INTS7: variants seen among roughly 807,000 people sequenced by gnomAD.
The protein encoded by INTS7 is chromosome 1 open reading frame 73.
INTS7 carries 46 observed loss-of-function variants against 109.2 expected under a neutral mutation model. The observed-to-expected ratio is 0.42, with a 90% CI of 0.33 to 0.54. INTS7 has a LOEUF of 0.54. Ranked by LOEUF, INTS7 falls within the 20% of genes least tolerant of loss-of-function variation. The pLI is 0.07. For synonymous variants in INTS7, 412 were observed against 402.9 expected, an observed-to-expected ratio of 1.02 and a Z score of -0.27; for missense variants, 929 against 1,132.4, an observed-to-expected ratio of 0.82 and a Z score of 2.58.
chr1:211,944,660 T>G (rs1180958014), intron 19 of INTS7, 124 bp downstream of exon 19: 1 of 754,646 alleles, frequency 1.3e-6, no homozygotes, highest in Admixed American at 2.4e-5. Flanking sequence ...GCTTTTAATT[T>G]ATGTCCATCT....
chr1:212,003,305 CAAAAAAAAAAA>C (rs35903155), intron 7 of INTS7, among the ~76,000 whole-genome samples: 1 of 61,896 alleles, frequency 1.6e-5, no homozygotes, highest in Non-Finnish European at 3.4e-5. Flanking sequence ...AATTTTAAAG[CAAAAAAAAAAA>C]AAAAAAAAAC....
intron 14 of INTS7, among the ~76,000 whole-genome samples, chr1:211,968,206 A>G (rs1046150750): frequency 3.9e-5 from 6 of 152,244 alleles, no homozygotes; most frequent in African/African-American, 1.2e-4. Context: ...GACATATAGA[A>G]ACAAAAACAT....
intron 15 of INTS7, among the ~76,000 whole-genome samples, chr1:211,966,812 A>G (rs1325239621): frequency 6.6e-6 from 1 of 152,130 alleles, no homozygotes; most frequent in African/African-American, 2.4e-5. Flanking sequence ...GGGGTTTTTC[A>G]TAAGAGTTTG....
intron 15 of INTS7, among the ~76,000 whole-genome samples, chr1:211,967,451 C>CAAAA (rs35896290): frequency 2.4e-5 from 2 of 82,426 alleles, no homozygotes; most frequent in African/African-American, 5.4e-5. Context: ...GACTCCATCT[C>CAAAA]AAAAAAAAAA....
intron 1 of INTS7, chr1:212,025,666 T>C (rs1666884892): frequency 1.0e-5 from 2 of 195,494 alleles, no homozygotes; most frequent in Non-Finnish European, 2.2e-5. Context: ...CTCTGGATCC[T>C]GCCTGGAGTC....
At chr1:211,975,113 G>A in intron 13 of INTS7, 53 bp downstream of exon 13, 1 of 1,248,944 alleles carries the variant, frequency 8.0e-7, no homozygotes. Flanking sequence ...AAAGAGAAGG[G>A]AGAGAACTCT....
intron 13 of INTS7, among the ~76,000 whole-genome samples, chr1:211,971,936 A>G (rs1664195968): frequency 7.2e-6 from 1 of 139,560 alleles, no homozygotes; most frequent in East Asian, 2.0e-4. Flanking sequence ...AAAAAAAAAA[A>G]GAAAAGAAAA....
intron 16 of INTS7, among the ~76,000 whole-genome samples, 165 bp from the exon 17 acceptor site, chr1:211,952,866 C>T (rs1663164289): frequency 6.6e-6 from 1 of 152,166 alleles, no homozygotes. Context: ...AGTAGTTTGC[C>T]TACAGTCATA....
At chr1:211,986,732 A>C (rs983724675) in intron 8 of INTS7, among the ~76,000 whole-genome samples, 3 of 152,140 alleles carry the variant, frequency 2.0e-5, no homozygotes, top group Admixed American at 2.0e-4. Flanking sequence ...TCTTGTTGTT[A>C]CTGGCTCCCA....
chr1:211,996,293 G>A (rs1665384824), intron 7 of INTS7, among the ~76,000 whole-genome samples: 1 of 152,028 alleles, frequency 6.6e-6, no homozygotes, highest in Non-Finnish European at 1.5e-5. Flanking sequence ...ATGGTGGTGG[G>A]CAGCTGTAAT....
chr1:212,021,607 G>C (rs1043627228), intron 1 of INTS7, among the ~76,000 whole-genome samples: 4 of 151,520 alleles, frequency 2.6e-5, no homozygotes, highest in Admixed American at 2.6e-4. Context: ...ACTTTGGAAG[G>C]CTGGGAAAAG....
intron 1 of INTS7, among the ~76,000 whole-genome samples, chr1:212,024,715 A>G (rs941697439): frequency 3.3e-5 from 5 of 152,254 alleles, no homozygotes; most frequent in Non-Finnish European, 5.9e-5. Flanking sequence ...GCATACAACA[A>G]CAAAGGTGGA....
At chr1:211,989,824 A>G (rs942561137) in intron 7 of INTS7, among the ~76,000 whole-genome samples, 34 of 151,320 alleles carry the variant, frequency 2.2e-4, no homozygotes, top group African/African-American at 8.0e-4. Context: ...TCCGTTTCAA[A>G]AAAAAAAAAA....
At chr1:211,970,046 C>G (rs1558032300) in intron 13 of INTS7, among the ~76,000 whole-genome samples, 1 of 152,070 alleles carries the variant, frequency 6.6e-6, no homozygotes, top group Non-Finnish European at 1.5e-5. Flanking sequence ...TTTGTAGAGA[C>G]AGGGTCTCAC....
intron 13 of INTS7, among the ~76,000 whole-genome samples, chr1:211,971,744 T>C (rs745912342): frequency 1.3e-5 from 2 of 151,848 alleles, no homozygotes; most frequent in African/African-American, 4.8e-5. Context: ...GGTGAAACCC[T>C]GTCTCTACTA....
intron 16 of INTS7, among the ~76,000 whole-genome samples, chr1:211,962,260 T>TAAA (rs35134976): frequency 4.9e-4 from 39 of 79,330 alleles, no homozygotes; most frequent in African/African-American, 1.6e-3. Flanking sequence ...CAACAAAGAT[T>TAAA]AAAAAAAAAA....
At chr1:211,957,086 T>C (rs1169958139) in intron 16 of INTS7, among the ~76,000 whole-genome samples, 1 of 152,210 alleles carries the variant, frequency 6.6e-6, no homozygotes, top group Admixed American at 6.5e-5. Context: ...GCACCAACAT[T>C]GGACACTGAA....
At chr1:211,948,951 C>T (rs1439313684) in intron 17 of INTS7, among the ~76,000 whole-genome samples, 3 of 152,202 alleles carry the variant, frequency 2.0e-5, no homozygotes, top group African/African-American at 2.4e-5. Context: ...GTGATCCACC[C>T]GCCTTGGCCT....
intron 14 of INTS7, among the ~76,000 whole-genome samples, 196 bp from the exon 15 acceptor site, chr1:211,968,177 T>C (rs771322587): frequency 6.6e-6 from 1 of 152,148 alleles, no homozygotes; most frequent in African/African-American, 2.4e-5. Flanking sequence ...CTATACATGT[T>C]CACAAGATTA....
Sources: allele counts gnomAD v4.1 joint callset (sites outside exome capture counted in the v4.1 genomes callset), GRCh38; gene constraint gnomAD v4.1.1; transcripts MANE v1.5; gene names NCBI Gene and HGNC (gene_info 2026-07-23, HGNC 2026-07-21).